Variants in XPNPEP3 observed in about 807,000 individuals in gnomAD.
The protein encoded by XPNPEP3 is xaa-Pro aminopeptidase 3.
A neutral mutation model predicts 60.0 loss-of-function variants in XPNPEP3; 41 were observed. The observed-to-expected ratio is 0.68, with a 90% CI of 0.53 to 0.89. The LOEUF (loss-of-function observed/expected upper bound fraction) is 0.89. XPNPEP3 is among the 40% of genes least tolerant of loss of function. The pLI is 0.00. For synonymous variants in XPNPEP3, 212 were observed against 223.2 expected (o/e 0.95, Z 0.45); for missense variants, 598 against 638.9 (o/e 0.94, Z 0.69).
At chr22:40,900,287 A>G (rs2058126600) in intron 4 of XPNPEP3, among the ~76,000 whole-genome samples, 1 of 151,186 alleles carries the variant, frequency 6.6e-6, no homozygotes, top group African/African-American at 2.4e-5. Context: ...TACTTTTCTC[A>G]CACTGAGAAA....
intron 1 of XPNPEP3, 58 bp downstream of exon 1, chr22:40,857,303 G>C: frequency 6.3e-7 from 1 of 1,596,908 alleles, no homozygotes. Context: ...ACCCAAGTTG[G>C]TCTCAGGCGA....
intron 4 of XPNPEP3, among the ~76,000 whole-genome samples, chr22:40,898,801 G>C (rs1162633012): frequency 2.6e-5 from 4 of 152,068 alleles, no homozygotes; most frequent in Non-Finnish European, 5.9e-5. Context: ...TTCATAACCT[G>C]GGTGAGGGGT....
intron 4 of XPNPEP3, chr22:40,907,113 G>A (rs1334036103): frequency 4.4e-6 from 2 of 456,132 alleles, no homozygotes; most frequent in Non-Finnish European, 8.8e-6. Context: ...AAAGCAAAAT[G>A]TTTTCCTTTC....
rs1016265412 is a variant in XPNPEP3 at position 40,929,919 on chromosome 22, A to G, written c.*3484A>G. Reference sequence around the variant, plus strand: ...TTTATTTTTCTAATAGTATTTTCCAAATATTTCTTAAAATTCTTAAAATTT... The same window carrying G: ...TTTATTTTTCTAATAGTATTTTCCAGATATTTCTTAAAATTCTTAAAATTT... On this transcript the variant is annotated 3_prime_UTR_variant, in exon 10 of 10. Coordinates refer to ENST00000357137, the MANE Select transcript of XPNPEP3 (RefSeq NM_022098.4). 1 of 152,140 alleles carries G rather than the reference A, an allele frequency of 6.6e-6. No homozygotes were observed. The highest frequency in any genetic ancestry group is 2.4e-5 in the African/African-American group (1 of 41,418). 9.4% of individuals were successfully genotyped at this position (152,140 alleles called of 1,614,324 possible). A position where few individuals can be genotyped will look rare whatever the true frequency, so the allele number is the denominator to read the frequency against.
rs1406191137 is a variant in XPNPEP3, at chr22:40,932,559, C to T, written c.*6124C>T. 2 of 152,038 alleles carry T rather than the reference C, an allele frequency of 1.3e-5. No individual in the cohort carries two copies. The highest frequency in any genetic ancestry group is 2.9e-5 in the Non-Finnish European group (2 of 68,024). The allele number at this position is 152,038 out of a possible 1,614,324, so 9.4% of individuals were successfully genotyped here. On this transcript the variant is annotated 3_prime_UTR_variant, in exon 10 of 10. Transcript: ENST00000357137. Reference sequence around the variant, plus strand: ...CTACCTGTGTGTCACTGAGTTTGAGCATCATTATTGTTTGAATCAGAGGAC... The same window carrying T: ...CTACCTGTGTGTCACTGAGTTTGAGTATCATTATTGTTTGAATCAGAGGAC...
intron 4 of XPNPEP3, among the ~76,000 whole-genome samples, chr22:40,895,646 A>T (rs1257218310): frequency 6.6e-6 from 1 of 152,030 alleles, no homozygotes; most frequent in African/African-American, 2.4e-5. Flanking sequence ...AGACTTTTTT[A>T]AATTAAAAAA....
Position 40,882,217 on chromosome 22 carries a change from G to A in XPNPEP3, c.589+40G>A, listed in dbSNP as rs763545252. ...CAGAAGTCACATTACAAACCAGATT[G>A]GGATTAAAACCTTTCTTGCCTGTTT... On this transcript the variant is annotated intron_variant, in intron 3 of 9. Transcript: ENST00000357137. 6 of 1,611,420 alleles carry A rather than the reference G, an allele frequency of 3.7e-6. No individual in the cohort carries two copies. The South Asian group carries it at 6.6e-5, about 18-fold the overall frequency.
intron 7 of XPNPEP3, among the ~76,000 whole-genome samples, chr22:40,918,089 A>G (rs2058203191): frequency 6.6e-6 from 1 of 151,980 alleles, no homozygotes. Context: ...ATAAACTGAT[A>G]TGGCTAGCAT....
chr22:40,894,424 T>C (rs192078238), intron 4 of XPNPEP3, among the ~76,000 whole-genome samples: 3 of 152,314 alleles, frequency 2.0e-5, no homozygotes, highest in East Asian at 1.9e-4. Flanking sequence ...TATTTTGATA[T>C]ACGTATGCAT....
At chr22:40,888,396 A>C in intron 4 of XPNPEP3, 1 of 440,272 alleles carries the variant, frequency 2.3e-6, no homozygotes, top group Non-Finnish European at 4.5e-6. Flanking sequence ...GGTGCATGCC[A>C]CTATGCCTGC....
intron 2 of XPNPEP3, among the ~76,000 whole-genome samples, chr22:40,875,099 A>G (rs781494612): frequency 6.6e-6 from 1 of 152,162 alleles, no homozygotes; most frequent in Non-Finnish European, 1.5e-5. Flanking sequence ...TAAGTACTTC[A>G]CCATGAAGCC....
chr22:40,858,758 C>G (rs1001816349), intron 1 of XPNPEP3, among the ~76,000 whole-genome samples: 1 of 151,962 alleles, frequency 6.6e-6, no homozygotes, highest in African/African-American at 2.4e-5. Context: ...TTTTGAACCC[C>G]TGACCTCGTG....
intron 1 of XPNPEP3, among the ~76,000 whole-genome samples, chr22:40,864,740 C>T (rs1169893457): frequency 6.6e-6 from 1 of 152,172 alleles, no homozygotes; most frequent in African/African-American, 2.4e-5. Flanking sequence ...CCACCGCACC[C>T]AGCTGGTCAG....
intron 4 of XPNPEP3, among the ~76,000 whole-genome samples, chr22:40,890,765 G>A (rs906432559): frequency 1.3e-5 from 2 of 151,962 alleles, no homozygotes; most frequent in Non-Finnish European, 2.9e-5. Context: ...TACTCAGGAG[G>A]CCAAAATGGG....
chr22:40,888,398 T>C (rs2058076987), intron 4 of XPNPEP3: 2 of 440,442 alleles, frequency 4.5e-6, no homozygotes, highest in Non-Finnish European at 9.1e-6. Flanking sequence ...TGCATGCCAC[T>C]ATGCCTGCTA....
chr22:40,887,900 G>A (rs2058075328), intron 4 of XPNPEP3, among the ~76,000 whole-genome samples: 1 of 151,656 alleles, frequency 6.6e-6, no homozygotes, highest in South Asian at 2.1e-4. Context: ...TTCTCTCCAA[G>A]GTGTTGGCCA....
chr22:40,907,658 C>G lies in XPNPEP3; in HGVS notation c.855+9C>G. The G allele has an allele frequency of 6.2e-7, 1 of 1,612,636 alleles. No individual in the cohort carries two copies. Among genetic ancestry groups the G allele is most frequent in the Non-Finnish European group, 8.5e-7 (1 of 1,178,738 alleles). Reference sequence around the variant, plus strand: ...CCTTTCTTTATGCTAAGGTGAGATTCAGATGGTTAGCTTCACCATCTTGTT... The same window carrying G: ...CCTTTCTTTATGCTAAGGTGAGATTGAGATGGTTAGCTTCACCATCTTGTT... On this transcript the variant is annotated intron_variant, in intron 5 of 9. Transcript: ENST00000357137.
intron 4 of XPNPEP3, among the ~76,000 whole-genome samples, chr22:40,899,612 G>T (rs985963058): frequency 1.3e-5 from 2 of 151,952 alleles, no homozygotes; most frequent in South Asian, 2.1e-4. Flanking sequence ...ACGAGGTCAA[G>T]AGATAAGACC....
rs868674949 is a variant in XPNPEP3 at position 40,909,248 on chromosome 22, C to G, written c.969+13C>G. Reference sequence around the variant, plus strand: ...TCAACTCATCAAGGTACGTGAGATGCCCTCAGTGCTACTCCCACTAGGTCC... The same window carrying G: ...TCAACTCATCAAGGTACGTGAGATGGCCTCAGTGCTACTCCCACTAGGTCC... On this transcript the variant is annotated intron_variant, in intron 6 of 9. Transcript: ENST00000357137. 26 of 1,601,328 alleles carry G rather than the reference C, an allele frequency of 1.6e-5. No homozygotes were observed. In the Middle Eastern group the frequency reaches 3.8e-3, roughly 234 times the overall value.
Sources: gnomAD v4.1 joint callset for allele counts (sites outside exome capture counted in the v4.1 genomes callset) on GRCh38, gnomAD v4.1.1 for gene constraint, MANE v1.5 for transcripts, NCBI Gene and HGNC (gene_info 2026-07-23, HGNC 2026-07-21) for gene names.